The following SGPL1 variants were observed in gnomAD, a reference collection of about 807,000 sequenced individuals.
SGPL1 encodes the protein sphingosine-1-phosphate lyase 1, also known as SP-lyase 1.
SGPL1 carries 37 observed loss-of-function variants against 68.9 expected under a neutral mutation model. The observed-to-expected ratio is 0.54, with a 90% CI of 0.41 to 0.71. The LOEUF is 0.71. Among genes scored for constraint, SGPL1 ranks in the 30% least tolerant of loss-of-function variants. SGPL1 has a pLI of 0.00. For missense variants in SGPL1, 551 were observed against 704.6 expected (o/e 0.78, Z 2.47); for synonymous variants, 236 against 248.5 (o/e 0.95, Z 0.47).
chr10:70,829,244 A>T (rs1845491903), intron 2 of SGPL1, among the ~76,000 whole-genome samples: 1 of 152,174 alleles, frequency 6.6e-6, no homozygotes, highest in South Asian at 2.1e-4. Flanking sequence ...CTTCTGATTG[A>T]TTTAATAGAT....
At position 70,821,810 on chromosome 10, in the gene SGPL1, C is replaced by CAT. The variant is rs372914986; in HGVS notation, c.27+4930_27+4931insAT. On this transcript the variant is annotated intron_variant, in intron 2 of 14. Coordinates refer to ENST00000373202, the MANE Select transcript of SGPL1 (RefSeq NM_003901.4). Reference sequence around the variant, plus strand: ...GAGTGATTCCCTTCTTGGAGGTTAACGTGTCTGTTATTGTCTCACTTGGGG... The same window carrying CAT: ...GAGTGATTCCCTTCTTGGAGGTTAACATGTGTCTGTTATTGTCTCACTTGGGG... 3.9e-3 allele frequency among the ~76,000 whole-genome samples: 589 copies of CAT among 152,184 alleles called. 2 individuals are homozygous for CAT. The highest frequency in any genetic ancestry group is 0.013 in the African/African-American group (522 of 41,532).
chr10:70,873,275 A>C, intron 11 of SGPL1, 76 bp from the exon 12 acceptor site: 2 of 1,026,602 alleles, frequency 1.9e-6, no homozygotes, highest in Non-Finnish European at 1.5e-6. Flanking sequence ...TTTCCTTTGC[A>C]TGATGAGAGT....
At chr10:70,839,970 G>T (rs1242298826) in intron 2 of SGPL1, among the ~76,000 whole-genome samples, 1 of 151,958 alleles carries the variant, frequency 6.6e-6, no homozygotes, top group Non-Finnish European at 1.5e-5. Context: ...TTTGTTTTGG[G>T]CTACATTCAG....
intron 9 of SGPL1, among the ~76,000 whole-genome samples, 190 bp from the exon 10 acceptor site, chr10:70,870,858 T>C (rs1846281182): frequency 6.6e-6 from 1 of 152,204 alleles, no homozygotes; most frequent in African/African-American, 2.4e-5. Flanking sequence ...ATTCTCCAAA[T>C]GGACTTACCT....
In SGPL1 at chr10:70,844,227, G is replaced by C. The variant is rs544971043; in HGVS notation, c.28-246G>C. ...GACGATCTAGCTTAACCCTCTTACT[G>C]TATAAAATAGGCACAAGATTGAAAA... is the stretch of plus-strand genomic sequence containing the variant. On this transcript the variant is annotated intron_variant, in intron 2 of 14. Coordinates refer to ENST00000373202, the MANE Select transcript of SGPL1 (RefSeq NM_003901.4). 3.3e-5 allele frequency among the ~76,000 whole-genome samples: 5 copies of C among 152,282 alleles called. No individual in the cohort carries two copies. In the South Asian group the frequency reaches 1.0e-3, roughly 32 times the overall value.
chr10:70,864,525 G>T (rs753757329), intron 7 of SGPL1, among the ~76,000 whole-genome samples: 25 of 151,922 alleles, frequency 1.6e-4, no homozygotes, highest in Non-Finnish European at 3.5e-4. Flanking sequence ...TGTTTTTTTA[G>T]GTCTGTAGCT....
intron 2 of SGPL1, among the ~76,000 whole-genome samples, chr10:70,836,418 TTGAC>T (rs936578415): frequency 6.6e-6 from 1 of 152,218 alleles, no homozygotes; most frequent in Non-Finnish European, 1.5e-5. Context: ...TTCTATCAGT[TTGAC>T]TGAGCAAGTC....
At chr10:70,850,111 G>A (rs1845855150) in intron 3 of SGPL1, among the ~76,000 whole-genome samples, 1 of 152,204 alleles carries the variant, frequency 6.6e-6, no homozygotes, top group South Asian at 2.1e-4. Context: ...ATGATCGACA[G>A]GATTTGTATT....
chr10:70,833,359 A>G (rs551873532), intron 2 of SGPL1, among the ~76,000 whole-genome samples: 6 of 152,162 alleles, frequency 3.9e-5, no homozygotes, highest in African/African-American at 9.7e-5. Context: ...TGGGGGAAGT[A>G]TGTGGTTTGC....
chr10:70,859,597 T>C, intron 7 of SGPL1, 98 bp downstream of exon 7: 1 of 570,962 alleles, frequency 1.8e-6, no homozygotes. Flanking sequence ...ATAAAAAATA[T>C]TAAAAATATT....
In SGPL1 at chr10:70,869,793, G is replaced by T. The variant is rs1564631124; in HGVS notation, c.706G>T (p.Val236Leu). ...ATTCTCCTCTTCCCTGTCATTTAGT[G>T]TGGCTCCCCAAAGTGCCCATGCTGC... ...FEKGIKTPEI[V>L]APQSAHAAFN... Residue 236 changes from valine (V) to leucine (L), a missense_variant and splice_region_variant, in exon 9 of 15, where the codon GTG (valine) becomes TTG (leucine). Val to Leu is a conservative substitution (Grantham distance 32, BLOSUM62 1). Transcript: ENST00000373202. 6.2e-7 allele frequency: 1 copy of T among 1,613,550 alleles called. No individual in the cohort carries two copies. The highest frequency in any genetic ancestry group is 2.2e-5 in the East Asian group (1 of 44,862).
intron 3 of SGPL1, among the ~76,000 whole-genome samples, chr10:70,847,613 A>G (rs1467724161): frequency 6.6e-6 from 1 of 152,182 alleles, no homozygotes; most frequent in Non-Finnish European, 1.5e-5. Context: ...TGAACCATAC[A>G]AAATGTAATT....
At position 70,839,750 on chromosome 10, in the gene SGPL1, G is replaced by A. The variant is rs111745304; in HGVS notation, c.28-4723G>A. On this transcript the variant is annotated intron_variant, in intron 2 of 14. Transcript: ENST00000373202. ...GTACTGTTATAAGTAAAAAGACATA[G>A]TGGGAATAGTAATTATAATCACATG... Among the ~76,000 whole-genome samples, 1,413 of 152,158 alleles carry A rather than the reference G, an allele frequency of 9.3e-3. 17 individuals carry two copies. The highest frequency in any genetic ancestry group is 0.032 in the African/African-American group (1,310 of 41,530).
intron 2 of SGPL1, among the ~76,000 whole-genome samples, chr10:70,839,614 G>A (rs997220280): frequency 6.6e-6 from 1 of 152,042 alleles, no homozygotes; most frequent in Non-Finnish European, 1.5e-5. Flanking sequence ...GGCCTTTGTG[G>A]ATGACCATTC....
chr10:70,818,651 T>C (rs1445212211), intron 2 of SGPL1, among the ~76,000 whole-genome samples: 1 of 152,178 alleles, frequency 6.6e-6, no homozygotes, highest in Non-Finnish European at 1.5e-5. Context: ...TAAGTTTTGA[T>C]CCATTGTGAT....
intron 2 of SGPL1, among the ~76,000 whole-genome samples, chr10:70,817,896 T>C (rs568968580): frequency 1.3e-5 from 2 of 152,360 alleles, no homozygotes; most frequent in African/African-American, 4.8e-5. Flanking sequence ...GTATGCCTGC[T>C]TTAGAGCTGT....
In SGPL1 at chr10:70,873,278, A is replaced by G. The variant is rs1013818525; in HGVS notation, c.1060-73A>G. The G allele has an allele frequency of 5.7e-6, 6 of 1,055,532 alleles. No individual in the cohort carries two copies. The African/African-American group carries it at 6.3e-5, about 11-fold the overall frequency. 65.4% of individuals were successfully genotyped at this position (1,055,532 alleles called of 1,614,324 possible). ...AAATAAATAGGATTTCCTTTGCATG[A>G]TGAGAGTTCTGGGACAAGGTCTGCC... is the stretch of plus-strand genomic sequence containing the variant. On this transcript the variant is annotated intron_variant, in intron 11 of 14. Transcript: ENST00000373202.
At chr10:70,829,041 A>G (rs1049684399) in intron 2 of SGPL1, among the ~76,000 whole-genome samples, 2 of 152,186 alleles carry the variant, frequency 1.3e-5, no homozygotes, top group Non-Finnish European at 2.9e-5. Flanking sequence ...GTGTTGGGCC[A>G]GAGTGGAAGA....
rs1383837070 is a variant in SGPL1, at chr10:70,876,636, A to C, written c.1541A>C (p.Asn514Thr). 1.9e-6 allele frequency: 3 copies of C among 1,613,410 alleles called. No individual in the cohort carries two copies. The highest frequency in any genetic ancestry group is 2.5e-6 in the Non-Finnish European group (3 of 1,179,782). Residue 514 changes from asparagine to threonine, a missense_variant, in exon 14 of 15, where the codon AAT becomes ACT. Coordinates refer to ENST00000373202, the MANE Select transcript of SGPL1 (RefSeq NM_003901.4). Reference sequence around the variant, plus strand: ...GAATCTGTCACTCAAATCATGAAGAATCCTAAAGCGAAGACCACAGGAATG... The same window carrying C: ...GAATCTGTCACTCAAATCATGAAGACTCCTAAAGCGAAGACCACAGGAATG... Reference protein sequence around the residue: ...IRESVTQIMKNPKAKTTGMGA... With the variant: ...IRESVTQIMKTPKAKTTGMGA...
Sources: gnomAD v4.1 joint callset for allele counts (sites outside exome capture counted in the v4.1 genomes callset) on GRCh38, gnomAD v4.1.1 for gene constraint, MANE v1.5 for transcripts, NCBI Gene and HGNC (gene_info 2026-07-23, HGNC 2026-07-21) for gene names.